TMEM237: variants seen among roughly 807,000 people sequenced by gnomAD.
The protein encoded by TMEM237 is transmembrane protein 237.
Under a neutral mutation model 59.1 loss-of-function variants are expected in TMEM237, and 51 were observed. That is an observed-to-expected ratio of 0.86 (90% confidence interval 0.69 to 1.09). The LOEUF is 1.09. Ranked by LOEUF, TMEM237 falls within the 50% of genes least tolerant of loss-of-function variation. The pLI, the probability that TMEM237 is intolerant of heterozygous loss-of-function variation, is 0.00. For synonymous variants in TMEM237, 140 were observed against 166.1 expected, an observed-to-expected ratio of 0.84 and a Z score of 1.21; for missense variants, 475 against 478.3, an observed-to-expected ratio of 0.99 and a Z score of 0.06.
chr2:201,626,534 GAAAA>G (rs751155005), intron 11 of TMEM237, among the ~76,000 whole-genome samples: 17 of 96,034 alleles, frequency 1.8e-4, no homozygotes, highest in East Asian at 3.5e-4. Context: ...AGCATTTGGG[GAAAA>G]AAAAAAAAAA....
intron 9 of TMEM237, among the ~76,000 whole-genome samples, chr2:201,628,352 T>C (rs1462770445): frequency 2.6e-5 from 4 of 152,246 alleles, no homozygotes; most frequent in African/African-American, 4.8e-5. Context: ...ACTAGACTAC[T>C]TTGGACAACA....
rs558923252 is a variant in TMEM237, at chr2:201,629,161, G to A, written c.869+69C>T. On this transcript the variant is annotated intron_variant, in intron 9 of 12. Transcript: ENST00000409883. ...TAATTCTATTTTGAAAACTATCATG[G>A]TCAGTGACACATTTTGCTCAGCATT... The A allele has an allele frequency of 3.9e-4, 475 of 1,212,500 alleles. 1 individual carries two copies. The highest frequency in any genetic ancestry group is 4.8e-4 in the Non-Finnish European group (434 of 907,226). 75.1% of individuals were successfully genotyped at this position (1,212,500 alleles called of 1,614,324 possible). A position where few individuals can be genotyped will look rare whatever the true frequency, so the allele number is the denominator to read the frequency against.
chr2:201,642,636 A>G (rs1687448735), intron 1 of TMEM237: 3 of 1,608,294 alleles, frequency 1.9e-6, no homozygotes, highest in Admixed American at 3.4e-5. Context: ...TTCTGCGTTT[A>G]GCCGGCCTCG....
intron 3 of TMEM237, among the ~76,000 whole-genome samples, chr2:201,639,522 G>A (rs985385041): frequency 3.9e-5 from 6 of 152,158 alleles, no homozygotes; most frequent in Non-Finnish European, 8.8e-5. Flanking sequence ...CAGACCAGGC[G>A]CAGTGGCTCA....
chr2:201,640,284 C>A lies in TMEM237; in HGVS notation c.75-19G>T. ...ACCTTGACTAACACGTCATATAACA[C>A]CAAACAAATTTAATCAGCAGGACAA... On this transcript the variant is annotated intron_variant, in intron 2 of 12. Transcript: ENST00000409883. The A allele has an allele frequency of 1.3e-6, 2 of 1,544,334 alleles. No homozygotes were observed. Among genetic ancestry groups the A allele is most frequent in the Non-Finnish European group, 1.7e-6 (2 of 1,155,696 alleles).
chr2:201,629,895 A>G, intron 7 of TMEM237, 43 bp from the exon 8 acceptor site: 1 of 1,581,764 alleles, frequency 6.3e-7, no homozygotes, highest in Non-Finnish European at 8.5e-7. Flanking sequence ...GCGAGAGAGA[A>G]CCCTGGTAGC....
chr2:201,639,547 A>C (rs923369275), intron 3 of TMEM237, among the ~76,000 whole-genome samples: 3 of 152,118 alleles, frequency 2.0e-5, no homozygotes, highest in Non-Finnish European at 4.4e-5. Flanking sequence ...TGTAATCCCA[A>C]CACTTTGGGA....
rs182732547 is a variant in TMEM237, at chr2:201,639,410, G to A, written c.80-365C>T. Among the ~76,000 whole-genome samples the A allele has an allele frequency of 3.5e-3, 533 of 152,364 alleles. 2 individuals carry two copies. The highest frequency in any genetic ancestry group is 0.012 in the African/African-American group (515 of 41,588). ...GTCATTTCAGAGCCAAACGTTGAAA[G>A]AGCCAGTGAGTAATCTTCCAGCTTT... On this transcript the variant is annotated intron_variant, in intron 3 of 12. Coordinates refer to ENST00000409883, the MANE Select transcript of TMEM237 (RefSeq NM_001044385.3).
intron 1 of TMEM237, chr2:201,642,615 A>AT (rs1328495803): frequency 1.9e-6 from 3 of 1,608,730 alleles, no homozygotes; most frequent in South Asian, 1.1e-5. Flanking sequence ...TTACCACAGG[A>AT]TTCTTCCCCA....
intron 11 of TMEM237, 22 bp from the exon 12 acceptor site, chr2:201,626,169 T>G (rs1957757159): frequency 6.2e-7 from 1 of 1,606,974 alleles, no homozygotes; most frequent in South Asian, 1.1e-5. Context: ...GAAACACTCA[T>G]TAGAAGTGCC....
intron 7 of TMEM237, chr2:201,631,299 C>T (rs183045312): frequency 3.7e-4 from 56 of 152,298 alleles, no homozygotes; most frequent in African/African-American, 1.3e-3. Context: ...CTGCTGGAAC[C>T]TTGTCTTGCA....
In TMEM237 at chr2:201,627,414, A is replaced by C. The variant is rs1043186259; in HGVS notation, c.944T>G (p.Leu315Trp). The C allele has an allele frequency of 2.5e-6, 4 of 1,573,226 alleles. No homozygotes were observed. The part of the protein sequence containing the change: ...ALDPTALASF[L>W]YFTALILSLS... ...AGATAGTATAAGAGCAGTAAAGTACACTGAGAAAAAGACAAATGAAATTAC... is the reference window on the plus strand; with the variant it reads ...AGATAGTATAAGAGCAGTAAAGTACCCTGAGAAAAAGACAAATGAAATTAC... The change falls in exon 11 of 13, where the codon TTG becomes TGG. Residue 315 changes from leucine to tryptophan, a missense_variant and splice_region_variant. Coordinates refer to ENST00000409883, the MANE Select transcript of TMEM237 (RefSeq NM_001044385.3).
At chr2:201,625,167 C>T (rs1024439067) in intron 12 of TMEM237, among the ~76,000 whole-genome samples, 1 of 152,214 alleles carries the variant, frequency 6.6e-6, no homozygotes, top group Admixed American at 6.5e-5. Flanking sequence ...TTGAGACTGT[C>T]CTGGCTAACA....
intron 10 of TMEM237, 26 bp from the exon 11 acceptor site, chr2:201,627,440 TA>T: frequency 1.4e-6 from 2 of 1,421,004 alleles, no homozygotes; most frequent in Non-Finnish European, 1.9e-6. Context: ...ATGAAATTAC[TA>T]ATAATTTTTA....
At chr2:201,642,759 C>G in intron 1 of TMEM237, 2 of 1,448,502 alleles carry the variant, frequency 1.4e-6, no homozygotes, top group Non-Finnish European at 1.8e-6. Flanking sequence ...CGCGCAGCGC[C>G]CTGCGGGGAT....
Position 201,622,951 on chromosome 2 carries a change from G to C in TMEM237, c.*1304C>G, listed in dbSNP as rs898855031. 1.2e-5 allele frequency: 2 copies of C among 165,266 alleles called. No homozygotes were observed. The highest frequency in any genetic ancestry group is 4.8e-5 in the African/African-American group (2 of 42,086). The allele number at this position is 165,266 out of a possible 1,614,324, so 10.2% of individuals were successfully genotyped here. ...AAGATTATGAACTCCTATACTGCCA[G>C]CTTATTGCCAGATTGAGAACCATTG... On this transcript the variant is annotated 3_prime_UTR_variant, in exon 13 of 13. Coordinates refer to ENST00000409883, the MANE Select transcript of TMEM237 (RefSeq NM_001044385.3).
At chr2:201,642,917 A>T (rs769396109) in intron 1 of TMEM237, 27 of 1,333,802 alleles carry the variant, frequency 2.0e-5, no homozygotes, top group Non-Finnish European at 2.5e-5. Context: ...TGGTTTCCTA[A>T]GTGGTGGCGG....
chr2:201,640,923 C>T lies in TMEM237; in HGVS notation c.44G>A (p.Arg15His), dbSNP rs560695891. 49 of 1,600,752 alleles carry T rather than the reference C, an allele frequency of 3.1e-5. No homozygotes were observed. Among genetic ancestry groups the T allele is most frequent in the Non-Finnish European group, 3.6e-5 (42 of 1,170,780 alleles). ...CACAGGTGGAAGAGCTCGTGGAGGA[C>T]GCTGTGGCGGAAAAAATAAATTTGC... is the stretch of plus-strand genomic sequence containing the variant. ...SGARLEEGHL[R>H]PPRALPPVPS... Residue 15 changes from arginine to histidine, a missense_variant and splice_region_variant, in exon 2 of 13, where the codon CGT becomes CAT. Physicochemically the swap from Arg to His is conservative, Grantham distance 29 (BLOSUM62 0). Coordinates refer to ENST00000409883, the MANE Select transcript of TMEM237 (RefSeq NM_001044385.3).
rs1380747977 is a variant in TMEM237, at chr2:201,626,022, A to T, written c.1159+4T>A. The T allele has an allele frequency of 6.4e-7, 1 of 1,568,740 alleles. No homozygotes were observed. The highest frequency in any genetic ancestry group is 1.9e-5 in the Admixed American group (1 of 52,414). ...ATTCTTATGCTATTTTTTTTCTTTA[A>T]TACCTTCACTAAGATCCATGCCTGG... is the stretch of plus-strand genomic sequence containing the variant. On this transcript the variant is annotated splice_donor_region_variant and intron_variant, in intron 12 of 12. Transcript: ENST00000409883.
Sources: allele counts gnomAD v4.1 joint callset (sites outside exome capture counted in the v4.1 genomes callset), GRCh38; gene constraint gnomAD v4.1.1; transcripts MANE v1.5; gene names NCBI Gene and HGNC (gene_info 2026-07-23, HGNC 2026-07-21).